The following NEDD4L variants were observed in gnomAD, a reference collection of about 807,000 sequenced individuals.
NEDD4L encodes the protein E3 ubiquitin-protein ligase NEDD4-like.
A neutral mutation model predicts 148.9 loss-of-function variants in NEDD4L; 54 were observed. That is an observed-to-expected ratio of 0.36 (90% CI 0.29 to 0.45). The LOEUF is 0.45. Ranked by LOEUF, NEDD4L falls within the 20% of genes least tolerant of loss-of-function variation. The pLI is 1.00. For synonymous variants in NEDD4L, 433 were observed against 440.7 expected (o/e 0.98, Z 0.22); for missense variants, 856 against 1,233.8 (o/e 0.69, Z 4.59).
chr18:58,285,721 G>A (rs748858609), intron 5 of NEDD4L, among the ~76,000 whole-genome samples: 1 of 152,160 alleles, frequency 6.6e-6, no homozygotes, highest in African/African-American at 2.4e-5. Flanking sequence ...ATTGAAACCT[G>A]TTCTTTTTTG....
chr18:58,072,902 A>C (rs1429094156), intron 1 of NEDD4L, among the ~76,000 whole-genome samples: 1 of 150,758 alleles, frequency 6.6e-6, no homozygotes, highest in African/African-American at 2.5e-5. Context: ...ACACACACAC[A>C]CACAAATCTT....
intron 2 of NEDD4L, among the ~76,000 whole-genome samples, chr18:58,197,076 G>A (rs1451576555): frequency 6.6e-6 from 1 of 152,070 alleles, no homozygotes; most frequent in Non-Finnish European, 1.5e-5. Flanking sequence ...GCGACTTCTC[G>A]TTGTGCTTGA....
chr18:58,256,580 G>C lies in NEDD4L; in HGVS notation c.297+4526G>C. ...GGCATCGCCTCGAGCTGGCAGGATGGCTCCTGAAATCCGCAGGACGAACTC... is the reference window on the plus strand; with the variant it reads ...GGCATCGCCTCGAGCTGGCAGGATGCCTCCTGAAATCCGCAGGACGAACTC... On this transcript the variant is annotated intron_variant, in intron 5 of 30. Transcript: ENST00000400345. This position sits in a 1 kb window ranked among gnomAD's most constrained non-coding sequence, Gnocchi z 5.2. 8.1e-7 allele frequency: 1 copy of C among 1,232,332 alleles called. No homozygotes were observed. Among genetic ancestry groups the C allele is most frequent in the Non-Finnish European group, 1.0e-6 (1 of 988,098 alleles). 76.3% of individuals were successfully genotyped at this position (1,232,332 alleles called of 1,614,324 possible). A position where few individuals can be genotyped will look rare whatever the true frequency, so the allele number is the denominator to read the frequency against.
At chr18:58,297,021 A>G (rs745564625) in intron 5 of NEDD4L, among the ~76,000 whole-genome samples, 21 of 152,174 alleles carry the variant, frequency 1.4e-4, no homozygotes, top group Non-Finnish European at 2.4e-4. Context: ...CAGGAGGTGG[A>G]GGTTGCAGTG....
chr18:58,201,681 C>A (rs1042845192), intron 2 of NEDD4L, among the ~76,000 whole-genome samples: 6 of 152,220 alleles, frequency 3.9e-5, no homozygotes, highest in Non-Finnish European at 8.8e-5. Flanking sequence ...TTCATCCCTG[C>A]CCCCTAATAG....
At chr18:58,051,089 T>A (rs988741256) in intron 1 of NEDD4L, among the ~76,000 whole-genome samples, 1 of 152,156 alleles carries the variant, frequency 6.6e-6, no homozygotes, top group Non-Finnish European at 1.5e-5. Context: ...AAACCCCACC[T>A]CTACAAAAAA....
chr18:58,356,875 A>C (rs1368748859), intron 18 of NEDD4L, among the ~76,000 whole-genome samples: 1 of 152,228 alleles, frequency 6.6e-6, no homozygotes, highest in Non-Finnish European at 1.5e-5. Context: ...ATCAAGATCA[A>C]GTTATAAATC....
chr18:58,292,637 T>C (rs1181347702), intron 5 of NEDD4L, among the ~76,000 whole-genome samples: 1 of 152,244 alleles, frequency 6.6e-6, no homozygotes, highest in Non-Finnish European at 1.5e-5. Flanking sequence ...TTTGCATCCT[T>C]TTCTCAAAGC....
chr18:58,368,854 T>C (rs1335658627), intron 22 of NEDD4L, among the ~76,000 whole-genome samples: 4 of 152,242 alleles, frequency 2.6e-5, no homozygotes, highest in Admixed American at 2.0e-4. Context: ...TATATTTTAA[T>C]TTCCAGCTTT....
intron 20 of NEDD4L, among the ~76,000 whole-genome samples, chr18:58,365,158 G>T (rs1201679224): frequency 6.6e-6 from 1 of 152,186 alleles, no homozygotes; most frequent in Non-Finnish European, 1.5e-5. Flanking sequence ...TCATTTAGGG[G>T]TTTTGGTCTC....
intron 1 of NEDD4L, among the ~76,000 whole-genome samples, chr18:58,138,261 G>A (rs776551592): frequency 6.6e-6 from 1 of 152,030 alleles, no homozygotes; most frequent in African/African-American, 2.4e-5. Flanking sequence ...ACTTTGAAAG[G>A]CACTGGGCTA....
intron 5 of NEDD4L, among the ~76,000 whole-genome samples, chr18:58,268,801 A>G (rs1021137262): frequency 1.3e-5 from 2 of 152,174 alleles, no homozygotes; most frequent in East Asian, 3.9e-4. Flanking sequence ...AGGCTTCTTT[A>G]AGCTGACCAG....
intron 2 of NEDD4L, among the ~76,000 whole-genome samples, chr18:58,174,978 G>A (rs191817777): frequency 9.9e-5 from 15 of 152,282 alleles, no homozygotes; most frequent in Admixed American, 1.3e-4. Flanking sequence ...TTCTGAAAGA[G>A]GCTGAACATA....
intron 2 of NEDD4L, chr18:58,195,854 A>T (rs944170797): frequency 3.9e-6 from 2 of 512,480 alleles, no homozygotes; most frequent in African/African-American, 4.0e-5. Context: ...TAGGGGGATT[A>T]TTTGAACTTG....
At chr18:58,372,689 T>C (rs1461322456) in intron 23 of NEDD4L, 1 of 153,114 alleles carries the variant, frequency 6.5e-6, no homozygotes, top group Non-Finnish European at 1.5e-5. Context: ...CCAGGTGTGA[T>C]GTCACACGCC....
intron 3 of NEDD4L, among the ~76,000 whole-genome samples, chr18:58,247,977 A>G (rs1348941723): frequency 1.3e-5 from 2 of 152,126 alleles, no homozygotes. Flanking sequence ...TGTGTTTCCT[A>G]TTTTTATGTT....
chr18:58,214,038 C>T (rs1388575357), intron 2 of NEDD4L, among the ~76,000 whole-genome samples: 2 of 152,174 alleles, frequency 1.3e-5, no homozygotes, highest in Non-Finnish European at 2.9e-5. Context: ...TCCTGCATGG[C>T]CCTGCTTGCT....
At chr18:58,286,618 G>T (rs768668304) in intron 5 of NEDD4L, among the ~76,000 whole-genome samples, 18 of 152,166 alleles carry the variant, frequency 1.2e-4, no homozygotes, top group Non-Finnish European at 1.0e-4. Flanking sequence ...TTCAGAATGT[G>T]TAAGAGTAAG....
intron 27 of NEDD4L, chr18:58,388,033 A>G (rs1036887982): frequency 6.6e-6 from 1 of 152,494 alleles, no homozygotes; most frequent in Non-Finnish European, 1.5e-5. Flanking sequence ...GAAGTGGTTT[A>G]TGTTGAGTGA....
Sources: gnomAD v4.1 joint callset for allele counts (sites outside exome capture counted in the v4.1 genomes callset) on GRCh38, gnomAD v4.1.1 for gene constraint, Gnocchi (gnomAD v3.1) non-coding constraint, MANE v1.5 for transcripts, NCBI Gene and HGNC (gene_info 2026-07-23, HGNC 2026-07-21) for gene names.